Variants in RBM10 observed in about 807,000 individuals in gnomAD.
RBM10 encodes the protein RNA-binding protein 10.
A neutral mutation model predicts 84.9 loss-of-function variants in RBM10; 1 was observed. That is an observed-to-expected ratio of 0.01 (90% CI 0.00 to 0.06). The LOEUF (loss-of-function observed/expected upper bound fraction) is 0.06, where lower values mean the gene tolerates loss of function less well. RBM10 is among the 10% of genes least tolerant of loss of function. The pLI is 1.00. For synonymous variants in RBM10, 326 were observed against 344.5 expected (o/e 0.95, Z 0.60); for missense variants, 438 against 839.0 (o/e 0.52, Z 5.90).
chrX:47,176,974 T>A (rs1327995016), intron 7 of RBM10, among the ~76,000 whole-genome samples: 1 of 111,600 alleles, frequency 9.0e-6, no homozygotes, highest in East Asian at 2.8e-4. Flanking sequence ...CTGGCTGAAA[T>A]GAGACTATCC....
At chrX:47,165,291 G>A (rs191054638) in intron 2 of RBM10, among the ~76,000 whole-genome samples, 128 of 109,196 alleles carry the variant, frequency 1.2e-3, no homozygotes, top group East Asian at 8.6e-3. Flanking sequence ...CGAGACGGGC[G>A]GATCACCTGA....
intron 17 of RBM10, 77 bp from the exon 18 acceptor site, chrX:47,184,977 GC>G: frequency 9.1e-7 from 1 of 1,095,825 alleles, no homozygotes; most frequent in Non-Finnish European, 1.2e-6. Context: ...AGGATGCAGG[GC>G]AGTGGGTCAG....
rs144202163 is a variant in RBM10, at chrX:47,182,398, T to G, written c.1950+72T>G. 6.7e-4 allele frequency: 772 copies of G among 1,147,561 alleles called. 9 individuals carry two copies. The East Asian group carries it at 0.021, about 31-fold the overall frequency. 94.6% of individuals were successfully genotyped at this position (1,147,561 alleles called of 1,213,427 possible). ...CCAGCAACGGCACTCTGTCAGCTCT[T>G]GCCCTCTCCTGCCAAGGGAGATGGC... On this transcript the variant is annotated intron_variant, in intron 17 of 23. Transcript: ENST00000377604.
At chrX:47,180,157 G>A (rs2147175853) in intron 10 of RBM10, 55 bp from the exon 11 acceptor site, 1 of 1,175,133 alleles carries the variant, frequency 8.5e-7, no homozygotes. Flanking sequence ...GGGCAATGGA[G>A]CCGGGGGCCT....
chrX:47,162,702 C>T (rs967611176), intron 2 of RBM10, among the ~76,000 whole-genome samples: 6 of 109,721 alleles, frequency 5.5e-5, no homozygotes, highest in Non-Finnish European at 1.1e-4. Context: ...GATGAAACCC[C>T]GTCTCTACTA....
intron 5 of RBM10, among the ~76,000 whole-genome samples, 172 bp from the exon 6 acceptor site, chrX:47,174,847 C>A (rs1307362642): frequency 1.8e-5 from 2 of 109,830 alleles, no homozygotes; most frequent in African/African-American, 6.7e-5. Flanking sequence ...CCTTGCCCCC[C>A]ACGCCCGCTA....
intron 8 of RBM10, 48 bp from the exon 9 acceptor site, chrX:47,179,271 G>A (rs1235695672): frequency 7.6e-6 from 9 of 1,184,721 alleles, no homozygotes; most frequent in South Asian, 5.6e-5. Context: ...GTGACCAGTC[G>A]TGGAGCCTTC....
rs111704877 is a variant in RBM10, at chrX:47,182,424, G to A, written c.1950+98G>A. The A allele has an allele frequency of 1.9e-4, 209 of 1,092,290 alleles. 1 individual carries two copies. In the African/African-American group the frequency reaches 3.1e-3, roughly 16 times the overall value. 90.0% of individuals were successfully genotyped at this position (1,092,290 alleles called of 1,213,427 possible). A position where few individuals can be genotyped will look rare whatever the true frequency, so the allele number is the denominator to read the frequency against. ...GCCCTCTCCTGCCAAGGGAGATGGC[G>A]GGCAGGTGTGGATGTGGGCAGTGAC... On this transcript the variant is annotated intron_variant, in intron 17 of 23. Coordinates refer to ENST00000377604, the MANE Select transcript of RBM10 (RefSeq NM_005676.5).
rs1228551546 is a variant in RBM10 at position 47,186,566 on chromosome X, G to A, written c.2760G>A (p.Lys920=). The change falls in exon 24 of 24, where the codon AAG becomes AAA. Residue 920 remains lysine, a synonymous_variant. Transcript: ENST00000377604. ...AGTCCTACAAGGAGACACTGCACAA[G>A]ACAATGGTGACCCGCTTCAACGAGG... The part of the protein sequence containing the change: ...STESYKETLH[K]TMVTRFNEAQ The A allele has an allele frequency of 8.3e-7, 1 of 1,210,607 alleles. No individual in the cohort carries two copies. The highest frequency in any genetic ancestry group is 3.0e-5 in the East Asian group (1 of 33,767).
At chrX:47,161,219 G>A (rs1852880763) in intron 2 of RBM10, among the ~76,000 whole-genome samples, 1 of 111,465 alleles carries the variant, frequency 9.0e-6, no homozygotes, top group Admixed American at 9.6e-5. Flanking sequence ...TGGGATTACA[G>A]ATGTGAGCCA....
chrX:47,185,674 T>C (rs1556782100), intron 20 of RBM10, 42 bp from the exon 21 acceptor site: 11 of 1,209,825 alleles, frequency 9.1e-6, no homozygotes, highest in Non-Finnish European at 1.2e-5. Flanking sequence ...CCTGGCCCAC[T>C]GAGGCTCATC....
intron 2 of RBM10, chrX:47,157,433 C>T: frequency 2.8e-6 from 1 of 352,642 alleles, no homozygotes; most frequent in Non-Finnish European, 5.3e-6. Flanking sequence ...TGCACATGAA[C>T]AGGAAAGCCA....
In RBM10 at chrX:47,179,109, G is replaced by A. The variant is rs781804786; in HGVS notation, c.670G>A (p.Val224Ile). ...CCTGGCCTGTGCCTCACAGTGTGGC[G>A]TCCAGAACTTCAAACGCCGAGAGAA... ...NEDWLCNKCG[V>I]QNFKRREKCF... is the part of the protein sequence containing the mutation. The change falls in exon 8 of 24, where the codon GTC becomes ATC. Residue 224 changes from valine (V) to isoleucine (I), a missense_variant. Transcript: ENST00000377604. 4 of 1,206,896 alleles carry A rather than the reference G, an allele frequency of 3.3e-6. No individual in the cohort carries two copies. The highest frequency in any genetic ancestry group is 1.8e-5 in the South Asian group (1 of 55,973).
At chrX:47,168,708 C>A (rs1934418893) in intron 2 of RBM10, among the ~76,000 whole-genome samples, 1 of 111,246 alleles carries the variant, frequency 9.0e-6, no homozygotes, top group Admixed American at 9.6e-5. Flanking sequence ...AGGAGCCTCA[C>A]CCCCGGGGAT....
At chrX:47,177,449 C>T (rs1935224257) in intron 7 of RBM10, among the ~76,000 whole-genome samples, 2 of 111,550 alleles carry the variant, frequency 1.8e-5, no homozygotes, top group Non-Finnish European at 3.8e-5. Flanking sequence ...TTGTAGAGGC[C>T]CCAACCCTCT....
chrX:47,180,814 A>G (rs1456050441), intron 12 of RBM10, among the ~76,000 whole-genome samples: 1 of 111,759 alleles, frequency 8.9e-6, no homozygotes, highest in Non-Finnish European at 1.9e-5. Flanking sequence ...ACATATCCTT[A>G]TATGTAATAT....
chrX:47,174,582 G>A (rs782318007), intron 5 of RBM10, among the ~76,000 whole-genome samples: 25 of 111,708 alleles, frequency 2.2e-4, no homozygotes, highest in Non-Finnish European at 3.8e-4. Context: ...AGCTGGGCCC[G>A]CCCTGGAGTT....
intron 2 of RBM10, chrX:47,157,766 G>T: frequency 2.4e-6 from 1 of 424,303 alleles, no homozygotes; most frequent in Non-Finnish European, 4.2e-6. Context: ...GCCGGCTGAG[G>T]TTCAGCTGCA....
At chrX:47,152,107 G>A (rs1556763796) in intron 2 of RBM10, among the ~76,000 whole-genome samples, 1 of 112,017 alleles carries the variant, frequency 8.9e-6, no homozygotes, top group Non-Finnish European at 1.9e-5. Context: ...AGCTACTGGG[G>A]AGACTGAGAC....
Sources: gnomAD v4.1 joint callset for allele counts (sites outside exome capture counted in the v4.1 genomes callset) on GRCh38, gnomAD v4.1.1 for gene constraint, MANE v1.5 for transcripts, NCBI Gene and HGNC (gene_info 2026-07-23, HGNC 2026-07-21) for gene names.